Variants in TAF4 observed in about 807,000 individuals in gnomAD.
TAF4 encodes the protein transcription initiation factor TFIID subunit 4.
TAF4 carries 9 observed loss-of-function variants against 90.3 expected under a neutral mutation model. The ratio of observed to expected loss-of-function variants is 0.10; its 90% CI spans 0.06 to 0.17. The LOEUF (loss-of-function observed/expected upper bound fraction) is 0.17, where lower values mean the gene tolerates loss of function less well. Ranked by LOEUF, TAF4 falls within the 10% of genes least tolerant of loss-of-function variation. The pLI is 1.00. For synonymous variants in TAF4, 818 were observed against 638.9 expected (o/e 1.28, Z -4.23); for missense variants, 1,351 against 1,370.7 (o/e 0.99, Z 0.23).
chr20:61,979,273 A>G (rs115698802), intron 14 of TAF4: 3,296 of 152,670 alleles, frequency 0.022, 125 homozygotes, highest in African/African-American at 0.076. Flanking sequence ...TAGCAGCCAG[A>G]GGGGTCAGGC....
chr20:62,005,045 A>G (rs1410602491), intron 7 of TAF4: 1 of 152,362 alleles, frequency 6.6e-6, no homozygotes, highest in Admixed American at 6.5e-5. Flanking sequence ...TCTATGCTGC[A>G]GAACATGTGT....
rs142106025 is a variant in TAF4 at position 61,977,798 on chromosome 20, C to T, written c.3091-1463G>A. 4.1e-3 allele frequency among the ~76,000 whole-genome samples: 626 copies of T among 152,308 alleles called. 2 individuals are homozygous for T. The highest frequency in any genetic ancestry group is 6.7e-3 in the Non-Finnish European group (455 of 68,028). ...AAGAGAACTCAGGCGAGGTGAGTGA[C>T]AGTTTGCAGGGTGAGGGCAGGGCTC... On this transcript the variant is annotated intron_variant, in intron 14 of 14. Transcript: ENST00000252996.
chr20:61,987,497 G>A (rs116367219), intron 14 of TAF4, among the ~76,000 whole-genome samples: 18 of 152,282 alleles, frequency 1.2e-4, no homozygotes, highest in Non-Finnish European at 1.2e-4. Context: ...CGCATCCTCC[G>A]TCACCAGGGA....
rs1298781954 is a variant in TAF4 at position 62,009,066 on chromosome 20, C to A, written c.1870G>T (p.Val624Leu). 1 of 1,613,026 alleles carries A rather than the reference C, an allele frequency of 6.2e-7. No individual in the cohort carries two copies. ...TETAANVKEL[V>L]QNLLDGKIEA... Reference sequence around the variant, plus strand: ...AGGTTTCTCACCAGTAAATTCTGCACGAGCTCTTTCACATTAGCTGCTGTC... The same window carrying A: ...AGGTTTCTCACCAGTAAATTCTGCAAGAGCTCTTTCACATTAGCTGCTGTC... The change falls in exon 5 of 15, where the codon GTG becomes TTG. Residue 624 changes from valine to leucine, a missense_variant. Val to Leu is a conservative substitution (Grantham distance 32). Transcript: ENST00000252996.
chr20:62,065,725 A>T lies in TAF4; in HGVS notation c.86T>A (p.Leu29Gln). ...EKVVSDLVGSLESQLAASAAH... is the reference protein window; with the variant it reads ...EKVVSDLVGSQESQLAASAAH... ...CGCGCTGGCCGCCAGCTGCGACTCCAGCGAGCCCACCAGGTCGCTCACCAC... is the reference window on the plus strand; with the variant it reads ...CGCGCTGGCCGCCAGCTGCGACTCCTGCGAGCCCACCAGGTCGCTCACCAC... Residue 29 changes from leucine (L) to glutamine (Q), a missense_variant, in exon 1 of 15, where the codon CTG becomes CAG. Physicochemically the swap from Leu to Gln is moderately radical, Grantham distance 113 (BLOSUM62 -2). This residue lies in a region of TAF4 where 782 missense variants were observed against 536.6 expected (regional missense o/e 1.46). Coordinates refer to ENST00000252996, the MANE Select transcript of TAF4 (RefSeq NM_003185.4). 1 of 1,305,046 alleles carries T rather than the reference A, an allele frequency of 7.7e-7. No individual in the cohort carries two copies. Among genetic ancestry groups the T allele is most frequent in the Non-Finnish European group, 9.9e-7 (1 of 1,008,556 alleles). The allele number at this position is 1,305,046 out of a possible 1,614,324, so 80.8% of individuals were successfully genotyped here.
intron 14 of TAF4, among the ~76,000 whole-genome samples, chr20:61,994,550 A>T (rs1379423632): frequency 6.6e-6 from 1 of 151,912 alleles, no homozygotes; most frequent in African/African-American, 2.4e-5. Context: ...TATTGCCAAA[A>T]CTCTAGTGTC....
At chr20:62,007,910 G>A in intron 5 of TAF4, 1 of 330,750 alleles carries the variant, frequency 3.0e-6, no homozygotes, top group Non-Finnish European at 5.6e-6. Flanking sequence ...CTTACTCAAT[G>A]CCAGTCTTTA....
intron 1 of TAF4, among the ~76,000 whole-genome samples, chr20:62,015,088 C>T (rs2281737): frequency 5.9e-5 from 9 of 152,050 alleles, no homozygotes; most frequent in African/African-American, 1.9e-4. Flanking sequence ...GGGCCACGTC[C>T]GCTGGGCTGG....
chr20:62,026,805 C>T (rs2055877585), intron 1 of TAF4, among the ~76,000 whole-genome samples: 1 of 152,218 alleles, frequency 6.6e-6, no homozygotes, highest in Non-Finnish European at 1.5e-5. Flanking sequence ...CAACACTCTC[C>T]CCCGGGCTCT....
At chr20:62,003,393 T>C (rs949238446) in intron 8 of TAF4, 119 bp from the exon 9 acceptor site, 4 of 792,672 alleles carry the variant, frequency 5.0e-6, no homozygotes, top group Non-Finnish European at 6.2e-6. Flanking sequence ...ACAAGAAAGT[T>C]TCCAAAAACT....
chr20:62,053,328 G>A lies in TAF4; in HGVS notation c.1360+11123C>T, dbSNP rs1166889054. 1.6e-3 allele frequency among the ~76,000 whole-genome samples: 20 copies of A among 12,568 alleles called. No homozygotes were observed. In the East Asian group the frequency reaches 0.018, roughly 11 times the overall value. The allele number at this position is 12,568 out of a possible 152,430, so 8.2% of individuals were successfully genotyped here. ...GAAACCAGGAGCCCATGAGGCCGCG[G>A]GAGCCGGAGGACCAGGACCGCCCTC... On this transcript the variant is annotated intron_variant, in intron 1 of 14. Coordinates refer to ENST00000252996, the MANE Select transcript of TAF4 (RefSeq NM_003185.4).
At chr20:62,028,340 C>T (rs547632724) in intron 1 of TAF4, among the ~76,000 whole-genome samples, 14 of 152,274 alleles carry the variant, frequency 9.2e-5, no homozygotes, top group Admixed American at 5.9e-4. Flanking sequence ...GGTAAAAATA[C>T]TTCAGGATAT....
At chr20:61,993,804 G>A (rs1162714390) in intron 14 of TAF4, among the ~76,000 whole-genome samples, 1 of 152,158 alleles carries the variant, frequency 6.6e-6, no homozygotes, top group African/African-American at 2.4e-5. Context: ...CCAGGCTAGA[G>A]TGCAGTGGCA....
chr20:62,001,004 C>T (rs1044123133), intron 9 of TAF4, among the ~76,000 whole-genome samples: 2 of 152,222 alleles, frequency 1.3e-5, no homozygotes, highest in East Asian at 1.9e-4. Flanking sequence ...AAAGCAAAGC[C>T]GGGAGCAGCG....
At chr20:61,997,463 C>T in intron 14 of TAF4, 87 bp downstream of exon 14, 1 of 1,338,004 alleles carries the variant, frequency 7.5e-7, no homozygotes, top group Non-Finnish European at 9.7e-7. Flanking sequence ...GCAAATTCCC[C>T]TATGTGTGTC....
At position 61,998,957 on chromosome 20, in the gene TAF4, G is replaced by A. The variant is rs16985786; in HGVS notation, c.2913+26C>T. On this transcript the variant is annotated intron_variant, in intron 12 of 14. Coordinates refer to ENST00000252996, the MANE Select transcript of TAF4 (RefSeq NM_003185.4). ...GTGGCTGAGACGGAGGTGCCCAGACGGCAGCAGCAGACACCCAGCACTCGC... is the reference window on the plus strand; with the variant it reads ...GTGGCTGAGACGGAGGTGCCCAGACAGCAGCAGCAGACACCCAGCACTCGC... 4.8e-3 allele frequency: 7,786 copies of A among 1,609,994 alleles called. 362 individuals carry two copies. The African/African-American group carries it at 0.093, about 19-fold the overall frequency.
intron 1 of TAF4, among the ~76,000 whole-genome samples, chr20:62,062,553 A>G (rs769787283): frequency 2.0e-5 from 3 of 152,230 alleles, no homozygotes; most frequent in Non-Finnish European, 2.9e-5. Context: ...CGCTCTCAGC[A>G]CTGCCACCCA....
chr20:61,998,081 G>A, intron 13 of TAF4, 55 bp downstream of exon 13: 1 of 1,553,892 alleles, frequency 6.4e-7, no homozygotes, highest in Non-Finnish European at 8.7e-7. Flanking sequence ...CCTCCCGTGG[G>A]GCGCTACAGT....
In TAF4 at chr20:61,997,562, G is replaced by A. The variant is rs1450139758; in HGVS notation, c.3078C>T (p.Gly1026=). The A allele has an allele frequency of 1.3e-6, 2 of 1,599,552 alleles. No individual in the cohort carries two copies. Among genetic ancestry groups the A allele is most frequent in the African/African-American group, 2.7e-5 (2 of 74,224 alleles). Residue 1026 remains glycine (G), a synonymous_variant, in exon 14 of 15, where the codon GGC becomes GGT. Transcript: ENST00000252996. Reference sequence around the variant, plus strand: ...AACACTGCCGTACCTCTGCTCCTGAGCCCGGCCCCGGACAGTCCACTTTCC... The same window carrying A: ...AACACTGCCGTACCTCTGCTCCTGAACCCGGCCCCGGACAGTCCACTTTCC... ...KKRKVDCPGP[G]SGAEGSGPGS...
Sources: allele counts gnomAD v4.1 joint callset (sites outside exome capture counted in the v4.1 genomes callset), GRCh38; gene constraint gnomAD v4.1.1; regional missense constraint gnomAD v4.1.1; transcripts MANE v1.5; gene names NCBI Gene and HGNC (gene_info 2026-07-23, HGNC 2026-07-21).